The following SMCHD1 variants were observed in gnomAD, a reference collection of about 807,000 sequenced individuals.
SMCHD1 encodes structural maintenance of chromosomes flexible hinge domain containing 1, also known as structural maintenance of chromosomes flexible hinge domain-containing protein 1.
A neutral mutation model predicts 254.7 loss-of-function variants in SMCHD1; 78 were observed. That is an observed-to-expected ratio of 0.31 (90% CI 0.26 to 0.37). The LOEUF (loss-of-function observed/expected upper bound fraction) is 0.37. Ranked by LOEUF, SMCHD1 falls within the 10% of genes least tolerant of loss-of-function variation. The pLI is 1.00. For missense variants in SMCHD1, 1,840 were observed against 2,408.1 expected (o/e 0.76, Z 4.94); for synonymous variants, 766 against 794.9 (o/e 0.96, Z 0.61).
chr18:2,795,811 A>G, intron 45 of SMCHD1, 138 bp from the exon 46 acceptor site: 1 of 586,732 alleles, frequency 1.7e-6, no homozygotes, highest in Non-Finnish European at 2.9e-6. Context: ...ATTTGTTTAT[A>G]TTGAATGTTT....
At chr18:2,679,189 T>A (rs1192256135) in intron 5 of SMCHD1, among the ~76,000 whole-genome samples, 1 of 146,930 alleles carries the variant, frequency 6.8e-6, no homozygotes, top group Non-Finnish European at 1.5e-5. Flanking sequence ...GGTAAAGAAC[T>A]CTTGGTTGGG....
At chr18:2,697,356 A>T (rs1425940964) in intron 9 of SMCHD1, 1 of 356,812 alleles carries the variant, frequency 2.8e-6, no homozygotes, top group Non-Finnish European at 5.1e-6. Context: ...TCTTCTGTGG[A>T]GCTATGCATT....
chr18:2,671,095 C>T (rs1054469552), intron 3 of SMCHD1, among the ~76,000 whole-genome samples: 19 of 151,600 alleles, frequency 1.3e-4, no homozygotes, highest in Non-Finnish European at 2.5e-4. Flanking sequence ...CACCACCACA[C>T]CTGGCTAATT....
intron 45 of SMCHD1, among the ~76,000 whole-genome samples, chr18:2,792,037 C>T (rs1310764557): frequency 2.0e-5 from 3 of 152,138 alleles, no homozygotes; most frequent in Admixed American, 6.5e-5. Flanking sequence ...ATACTAACTG[C>T]GAGCTGCTAT....
intron 3 of SMCHD1, among the ~76,000 whole-genome samples, chr18:2,671,418 G>A (rs913327475): frequency 6.6e-6 from 1 of 152,018 alleles, no homozygotes; most frequent in Admixed American, 6.5e-5. Context: ...AACCGTATCA[G>A]TTTTCATTCA....
chr18:2,717,513 T>C (rs1163453246), intron 17 of SMCHD1, among the ~76,000 whole-genome samples: 2 of 152,108 alleles, frequency 1.3e-5, no homozygotes, highest in Non-Finnish European at 2.9e-5. Context: ...TTTAAATATT[T>C]GTAGAGACAA....
At chr18:2,710,949 A>G (rs2074652617) in intron 17 of SMCHD1, among the ~76,000 whole-genome samples, 2 of 148,746 alleles carry the variant, frequency 1.3e-5, no homozygotes, top group Admixed American at 1.4e-4. Flanking sequence ...TCTCAAAGTG[A>G]TGTATTGCGT....
At chr18:2,713,532 AAAATTAGCCAGG>A (rs1485236180) in intron 17 of SMCHD1, among the ~76,000 whole-genome samples, 2 of 151,818 alleles carry the variant, frequency 1.3e-5, no homozygotes, top group African/African-American at 4.8e-5. Flanking sequence ...AAGAAGTAAA[AAAATTAGCCAGG>A]TGTGGTGATG....
At chr18:2,763,392 G>A (rs746982067) in intron 36 of SMCHD1, among the ~76,000 whole-genome samples, 3 of 152,156 alleles carry the variant, frequency 2.0e-5, no homozygotes, top group Non-Finnish European at 4.4e-5. Flanking sequence ...TTTAAAATGG[G>A]AGTCCTTGTA....
At chr18:2,719,410 C>T (rs2074875468) in intron 19 of SMCHD1, among the ~76,000 whole-genome samples, 1 of 151,734 alleles carries the variant, frequency 6.6e-6, no homozygotes, top group Non-Finnish European at 1.5e-5. Context: ...ATTCTTCTTG[C>T]CTCAGCCTCC....
chr18:2,730,504 T>A (rs1455271989), intron 24 of SMCHD1, among the ~76,000 whole-genome samples: 1 of 152,218 alleles, frequency 6.6e-6, no homozygotes, highest in Admixed American at 6.5e-5. Flanking sequence ...GCCAGTAGGA[T>A]GCTTTTTATT....
At chr18:2,751,433 C>A in intron 33 of SMCHD1, 40 bp downstream of exon 33, 1 of 1,148,450 alleles carries the variant, frequency 8.7e-7, no homozygotes, top group South Asian at 1.4e-5. Context: ...AAAAATAGTT[C>A]TTACATTTAA....
intron 47 of SMCHD1, 108 bp from the exon 48 acceptor site, chr18:2,802,420 A>G (rs1429197080): frequency 2.6e-6 from 2 of 780,534 alleles, no homozygotes; most frequent in Non-Finnish European, 4.1e-6. Flanking sequence ...AATTATATTT[A>G]AAAGAATATG....
At chr18:2,689,210 GA>G (rs1406684345) in intron 7 of SMCHD1, among the ~76,000 whole-genome samples, 1 of 143,534 alleles carries the variant, frequency 7.0e-6, no homozygotes, top group Non-Finnish European at 1.5e-5. Flanking sequence ...TTTGAAACAT[GA>G]TTTTTTTTCT....
chr18:2,669,188 A>T (rs867817027), intron 3 of SMCHD1, among the ~76,000 whole-genome samples: 3 of 152,106 alleles, frequency 2.0e-5, no homozygotes, highest in Non-Finnish European at 4.4e-5. Context: ...TTTACAAAAA[A>T]ATACAGGAAT....
intron 44 of SMCHD1, among the ~76,000 whole-genome samples, chr18:2,780,183 G>T (rs978701520): frequency 3.0e-5 from 4 of 133,288 alleles, no homozygotes; most frequent in African/African-American, 1.1e-4. Flanking sequence ...AGGTTGCAGT[G>T]AGCTGAGATC....
At chr18:2,657,634 C>T (rs2073111364) in intron 1 of SMCHD1, among the ~76,000 whole-genome samples, 1 of 152,156 alleles carries the variant, frequency 6.6e-6, no homozygotes, top group Non-Finnish European at 1.5e-5. Context: ...AGCCTTCCTC[C>T]TCCTTCCCAC....
rs1315496384 is a variant in SMCHD1, at chr18:2,655,803, C to G, written c.-273C>G. The G allele has an allele frequency of 1.7e-5, 5 of 300,368 alleles. No individual in the cohort carries two copies. Among genetic ancestry groups the G allele is most frequent in the Non-Finnish European group, 2.4e-5 (4 of 163,414 alleles). 18.6% of individuals were successfully genotyped at this position (300,368 alleles called of 1,614,324 possible). A position where few individuals can be genotyped will look rare whatever the true frequency, so the allele number is the denominator to read the frequency against. On this transcript the variant is annotated 5_prime_UTR_variant, in exon 1 of 48. Coordinates refer to ENST00000320876, the MANE Select transcript of SMCHD1 (RefSeq NM_015295.3). ...CGGCGATAGGCGCTGGGCCCGGGCC[C>G]GGTGAGGAGCGCGCCGCGCGTCCCC...
intron 28 of SMCHD1, among the ~76,000 whole-genome samples, chr18:2,741,318 A>G (rs2075346030): frequency 6.6e-6 from 1 of 152,210 alleles, no homozygotes; most frequent in Non-Finnish European, 1.5e-5. Context: ...TTAGAGAGGT[A>G]AAGACAGCTT....
Sources: gnomAD v4.1 joint callset for allele counts (sites outside exome capture counted in the v4.1 genomes callset) on GRCh38, gnomAD v4.1.1 for gene constraint, MANE v1.5 for transcripts, NCBI Gene and HGNC (gene_info 2026-07-23, HGNC 2026-07-21) for gene names.